Variants in CECR2 observed in about 807,000 individuals in gnomAD.
CECR2 encodes the protein chromatin remodeling regulator CECR2.
In CECR2, 30 loss-of-function variants were observed where a neutral mutation model predicts 154.5. The ratio of observed to expected loss-of-function variants is 0.19; its 90% CI spans 0.15 to 0.26. The LOEUF (loss-of-function observed/expected upper bound fraction) is 0.26, where lower values mean the gene tolerates loss of function less well. Among genes scored for constraint, CECR2 ranks in the 10% least tolerant of loss-of-function variants. CECR2 has a pLI of 1.00. For missense variants in CECR2, 1,743 were observed against 1,829.3 expected, an observed-to-expected ratio of 0.95 and a Z score of 0.86; for synonymous variants, 725 against 683.7, an observed-to-expected ratio of 1.06 and a Z score of -0.94.
chr22:17,387,610 C>G (rs977387128), intron 1 of CECR2, among the ~76,000 whole-genome samples: 2 of 152,192 alleles, frequency 1.3e-5, no homozygotes, highest in African/African-American at 4.8e-5. Flanking sequence ...CACTTCCTCA[C>G]TTTTGTCTGT....
intron 8 of CECR2, among the ~76,000 whole-genome samples, chr22:17,517,976 T>G (rs2056088392): frequency 6.6e-6 from 1 of 152,064 alleles, no homozygotes; most frequent in South Asian, 2.1e-4. Flanking sequence ...CAGTGAGTGT[T>G]ACTCACTGGC....
chr22:17,471,295 C>T (rs909589851), intron 1 of CECR2, among the ~76,000 whole-genome samples: 1 of 152,156 alleles, frequency 6.6e-6, no homozygotes, highest in African/African-American at 2.4e-5. Flanking sequence ...AGCTGCGAAC[C>T]TGCTTTTCCA....
At chr22:17,371,228 A>T (rs1404267362) in intron 1 of CECR2, among the ~76,000 whole-genome samples, 1 of 152,194 alleles carries the variant, frequency 6.6e-6, no homozygotes, top group Non-Finnish European at 1.5e-5. Flanking sequence ...AAATAAAAAG[A>T]TCAAAAGGGT....
At chr22:17,414,311 G>A (rs2146578916) in intron 1 of CECR2, among the ~76,000 whole-genome samples, 1 of 152,330 alleles carries the variant, frequency 6.6e-6, no homozygotes, top group African/African-American at 2.4e-5. Context: ...CTAGGAGACA[G>A]ATTCTCAGTG....
intron 1 of CECR2, among the ~76,000 whole-genome samples, chr22:17,411,197 G>A (rs1050877391): frequency 6.6e-6 from 1 of 152,202 alleles, no homozygotes; most frequent in Non-Finnish European, 1.5e-5. Context: ...GATTGAGAGA[G>A]TCATGTGAAG....
rs746478829 is a variant in CECR2 at position 17,524,289 on chromosome 22, G to A, written c.1108+18G>A. 3.7e-5 allele frequency: 60 copies of A among 1,603,018 alleles called. No homozygotes were observed. The East Asian group carries it at 1.1e-3, about 30-fold the overall frequency. On this transcript the variant is annotated intron_variant, in intron 9 of 18. Coordinates refer to ENST00000262608, the MANE Select transcript of CECR2 (RefSeq NM_001290047.2). ...AGTGGAAGGTATGTGCAGTGTCCGC[G>A]TGGTCTGGAGAGGTGCATGTCTGTC... is the stretch of plus-strand genomic sequence containing the variant.
chr22:17,457,838 T>C (rs1194973771), intron 1 of CECR2, among the ~76,000 whole-genome samples: 1 of 152,222 alleles, frequency 6.6e-6, no homozygotes, highest in Non-Finnish European at 1.5e-5. Flanking sequence ...AGATGAAGTA[T>C]TGATTCATGC....
intron 13 of CECR2, among the ~76,000 whole-genome samples, chr22:17,539,839 A>C (rs1166699486): frequency 6.6e-6 from 1 of 151,364 alleles, no homozygotes; most frequent in Non-Finnish European, 1.5e-5. Flanking sequence ...TTTTTTCTTT[A>C]TTTACTAACC....
intron 1 of CECR2, among the ~76,000 whole-genome samples, chr22:17,382,747 A>G (rs1369211482): frequency 1.3e-5 from 2 of 152,044 alleles, no homozygotes; most frequent in Non-Finnish European, 2.9e-5. Context: ...TCTACTAAAA[A>G]TACAAAAATC....
chr22:17,423,773 T>C (rs2054291901), intron 1 of CECR2, among the ~76,000 whole-genome samples: 1 of 152,168 alleles, frequency 6.6e-6, no homozygotes, highest in Non-Finnish European at 1.5e-5. Flanking sequence ...TGCTTGGTAT[T>C]CCCGGCTGTC....
rs533536193 is a variant in CECR2, at chr22:17,396,601, T to G, written c.126+26692T>G. On this transcript the variant is annotated intron_variant, in intron 1 of 18. Transcript: ENST00000262608. ...TTAAAAGGAAATTTTATGTAGAAACTGAACATATAAAATGGGTAAGAGTGA... is the reference window on the plus strand; with the variant it reads ...TTAAAAGGAAATTTTATGTAGAAACGGAACATATAAAATGGGTAAGAGTGA... 2.8e-4 allele frequency among the ~76,000 whole-genome samples: 42 copies of G among 152,314 alleles called. 1 individual carries two copies. The South Asian group carries it at 6.8e-3, about 25-fold the overall frequency.
intron 1 of CECR2, among the ~76,000 whole-genome samples, chr22:17,430,432 C>T (rs925262806): frequency 3.3e-5 from 5 of 152,142 alleles, no homozygotes; most frequent in African/African-American, 9.7e-5. Context: ...TCAAGATGCT[C>T]TATCAGCCAA....
intron 1 of CECR2, among the ~76,000 whole-genome samples, chr22:17,401,963 A>G (rs1409507374): frequency 2.0e-5 from 3 of 151,950 alleles, no homozygotes; most frequent in Admixed American, 1.3e-4. Context: ...ACAGGTGCTC[A>G]ATACCATACC....
intron 1 of CECR2, among the ~76,000 whole-genome samples, chr22:17,399,697 C>A (rs1284086750): frequency 6.6e-6 from 1 of 152,144 alleles, no homozygotes; most frequent in Non-Finnish European, 1.5e-5. Context: ...CGTGAGCCAC[C>A]GCACCCAACC....
At chr22:17,471,122 T>C (rs1010225660) in intron 1 of CECR2, among the ~76,000 whole-genome samples, 10 of 152,138 alleles carry the variant, frequency 6.6e-5, no homozygotes, top group African/African-American at 2.4e-4. Context: ...CAATACAAAG[T>C]CAAAGTAAAA....
At chr22:17,473,156 A>G (rs2055155744) in intron 1 of CECR2, among the ~76,000 whole-genome samples, 1 of 151,936 alleles carries the variant, frequency 6.6e-6, no homozygotes, top group Non-Finnish European at 1.5e-5. Flanking sequence ...CCCTTCAGCT[A>G]CTCTCTGAAG....
At chr22:17,429,411 C>G (rs1341331637) in intron 1 of CECR2, among the ~76,000 whole-genome samples, 1 of 151,598 alleles carries the variant, frequency 6.6e-6, no homozygotes, top group African/African-American at 2.4e-5. Context: ...ATGAAGATCT[C>G]ACAAGGGAGA....
At chr22:17,417,046 G>T (rs2054166863) in intron 1 of CECR2, among the ~76,000 whole-genome samples, 1 of 147,506 alleles carries the variant, frequency 6.8e-6, no homozygotes, top group Non-Finnish European at 1.5e-5. Flanking sequence ...ACGACAAAGG[G>T]ACTTTAAAAA....
chr22:17,548,212 C>G lies in CECR2; in HGVS notation c.2925C>G (p.Leu975=). Residue 975 remains leucine, a synonymous_variant, in exon 17 of 19, where the codon CTC becomes CTG. Coordinates refer to ENST00000262608, the MANE Select transcript of CECR2 (RefSeq NM_001290047.2). ...TTGGTACTTCAGAGGGGGTCTACCT[C>G]ACACAACTACCTCACCCCACACCTC... ...PGVGTSEGVY[L]TQLPHPTPPL... is the part of the protein sequence containing the mutation. 6.3e-7 allele frequency: 1 copy of G among 1,593,714 alleles called. No individual in the cohort carries two copies. Among genetic ancestry groups the G allele is most frequent in the Non-Finnish European group, 8.5e-7 (1 of 1,170,262 alleles).
Sources: gnomAD v4.1 joint callset for allele counts (sites outside exome capture counted in the v4.1 genomes callset) on GRCh38, gnomAD v4.1.1 for gene constraint, MANE v1.5 for transcripts, NCBI Gene and HGNC (gene_info 2026-07-23, HGNC 2026-07-21) for gene names.